EDN3: variants seen among roughly 807,000 people sequenced by gnomAD.
The protein encoded by EDN3 is endothelin-3.
Under a neutral mutation model 21.4 loss-of-function variants are expected in EDN3, and 9 were observed. That is an observed-to-expected ratio of 0.42 (90% CI 0.25 to 0.73). The LOEUF (loss-of-function observed/expected upper bound fraction) is 0.73, where lower values mean the gene tolerates loss of function less well. Ranked by LOEUF, EDN3 falls within the 30% of genes least tolerant of loss-of-function variation. The pLI, the probability that EDN3 is intolerant of heterozygous loss-of-function variation, is 0.26. For synonymous variants in EDN3, 133 were observed against 126.2 expected (o/e 1.05, Z -0.36); for missense variants, 327 against 309.4 (o/e 1.06, Z -0.43).
chr20:59,324,601 C>G lies in EDN3; in HGVS notation c.*142C>G, dbSNP rs372569173. 6.3e-5 allele frequency: 69 copies of G among 1,097,958 alleles called. No homozygotes were observed. Among genetic ancestry groups the G allele is most frequent in the African/African-American group, 1.7e-4 (11 of 63,198 alleles). The allele number at this position is 1,097,958 out of a possible 1,614,324, so 68.0% of individuals were successfully genotyped here. On this transcript the variant is annotated 3_prime_UTR_variant, in exon 5 of 5. Transcript: ENST00000337938. ...CAAAGAGTCCCCACTTAACAATACC[C>G]CCCCCCCACGGCAAGAATGCCCAAA... is the stretch of plus-strand genomic sequence containing the variant.
chr20:59,314,076 G>A (rs1026898987), intron 2 of EDN3, among the ~76,000 whole-genome samples: 1 of 152,136 alleles, frequency 6.6e-6, no homozygotes, highest in African/African-American at 2.4e-5. Context: ...GCCTCCACCT[G>A]CTGAAGGACA....
chr20:59,316,457 T>C (rs931080496), intron 2 of EDN3, among the ~76,000 whole-genome samples: 1 of 152,188 alleles, frequency 6.6e-6, no homozygotes, highest in Admixed American at 6.5e-5. Flanking sequence ...TCCTAAGAAT[T>C]TAGAATCTGG....
intron 2 of EDN3, among the ~76,000 whole-genome samples, chr20:59,311,645 AT>A (rs1417614875): frequency 9.5e-5 from 14 of 147,610 alleles, no homozygotes; most frequent in Non-Finnish European, 1.3e-4. Flanking sequence ...GTTTTGGTGG[AT>A]TTTGGCCATG....
chr20:59,321,700 G>A (rs1278733758), intron 3 of EDN3, among the ~76,000 whole-genome samples: 5 of 152,146 alleles, frequency 3.3e-5, no homozygotes, highest in Admixed American at 6.5e-5. Context: ...GGCATCTCAC[G>A]TTTGAGTAGG....
At chr20:59,303,777 T>A (rs1989207586) in intron 2 of EDN3, among the ~76,000 whole-genome samples, 1 of 152,240 alleles carries the variant, frequency 6.6e-6, no homozygotes, top group Non-Finnish European at 1.5e-5. Context: ...GCTGTGGCTC[T>A]CTGACTTTTT....
intron 1 of EDN3, 40 bp from the exon 2 acceptor site, chr20:59,301,370 G>C (rs759177376): frequency 8.1e-6 from 13 of 1,597,516 alleles, no homozygotes; most frequent in Non-Finnish European, 1.1e-5. Context: ...TGAGGGGTCT[G>C]CACACTCAGC....
intron 2 of EDN3, among the ~76,000 whole-genome samples, chr20:59,317,783 A>G (rs1217573331): frequency 2.0e-5 from 3 of 152,202 alleles, no homozygotes; most frequent in Non-Finnish European, 4.4e-5. Context: ...GGTGAAAAGA[A>G]TCCTGTCTCG....
intron 2 of EDN3, among the ~76,000 whole-genome samples, chr20:59,310,677 G>A (rs1989745128): frequency 6.6e-6 from 1 of 152,164 alleles, no homozygotes; most frequent in African/African-American, 2.4e-5. Flanking sequence ...CTCAGGAACA[G>A]AACAGTCAGG....
Position 59,300,622 on chromosome 20 carries a change from G to A in EDN3, c.-191G>A. On this transcript the variant is annotated 5_prime_UTR_variant, in exon 1 of 5. Coordinates refer to ENST00000337938, the MANE Select transcript of EDN3 (RefSeq NM_207034.3). ...AGCCGGCCAGCTCCGCGCAGGGATGGGCAGCGCGCTCTGAAAGTTTATGAC... is the reference window on the plus strand; with the variant it reads ...AGCCGGCCAGCTCCGCGCAGGGATGAGCAGCGCGCTCTGAAAGTTTATGAC... 1.6e-6 allele frequency: 1 copy of A among 615,070 alleles called. No homozygotes were observed. The highest frequency in any genetic ancestry group is 2.8e-6 in the Non-Finnish European group (1 of 351,458). 38.1% of individuals were successfully genotyped at this position (615,070 alleles called of 1,614,324 possible). A position where few individuals can be genotyped will look rare whatever the true frequency, so the allele number is the denominator to read the frequency against.
Position 59,324,714 on chromosome 20 carries a change from A to T in EDN3, c.*255A>T, listed in dbSNP as rs1990747647. 1.8e-6 allele frequency: 1 copy of T among 541,816 alleles called. No individual in the cohort carries two copies. Among genetic ancestry groups the T allele is most frequent in the Non-Finnish European group, 3.3e-6 (1 of 303,538 alleles). The allele number at this position is 541,816 out of a possible 1,614,324, so 33.6% of individuals were successfully genotyped here. ...CCTGCAGCTCCGGTTTCATGCAGGA[A>T]ATTGGTTTTGGAGAGTTTTGGCAAG... On this transcript the variant is annotated 3_prime_UTR_variant, in exon 5 of 5. Transcript: ENST00000337938.
chr20:59,319,746 A>T (rs1184495789), intron 2 of EDN3, among the ~76,000 whole-genome samples: 1 of 151,822 alleles, frequency 6.6e-6, no homozygotes, highest in East Asian at 1.9e-4. Context: ...AAAAAAAGAA[A>T]AAAAAGAAAA....
intron 2 of EDN3, among the ~76,000 whole-genome samples, chr20:59,316,380 G>A (rs1990190298): frequency 6.6e-6 from 1 of 152,212 alleles, no homozygotes; most frequent in Non-Finnish European, 1.5e-5. Flanking sequence ...TTTGTTGAAT[G>A]CTATTCAGTT....
intron 1 of EDN3, among the ~76,000 whole-genome samples, chr20:59,301,065 G>C (rs995359698): frequency 6.6e-6 from 1 of 152,256 alleles, no homozygotes; most frequent in Non-Finnish European, 1.5e-5. Flanking sequence ...GGGAGTTGCA[G>C]CCCGCGCACT....
rs1213528142 is a variant in EDN3 at position 59,305,136 on chromosome 20, C to G, written c.365+3414C>G. Among the ~76,000 whole-genome samples the G allele has an allele frequency of 1.3e-5, 2 of 152,134 alleles. No homozygotes were observed. The highest frequency in any genetic ancestry group is 2.9e-5 in the Non-Finnish European group (2 of 68,026). On this transcript the variant is annotated intron_variant, in intron 2 of 4. Coordinates refer to ENST00000337938, the MANE Select transcript of EDN3 (RefSeq NM_207034.3). This position sits in a 1 kb window ranked among gnomAD's most constrained non-coding sequence, Gnocchi z 4.2. ...AAAGTCCATCGCCCCAAAGAGGAAC[C>G]AAATTTATACTTACCCTGTCAAGGC... is the stretch of plus-strand genomic sequence containing the variant.
At chr20:59,324,199 C>A in intron 4 of EDN3, 132 bp from the exon 5 acceptor site, 2 of 1,147,080 alleles carry the variant, frequency 1.7e-6, no homozygotes, top group Non-Finnish European at 1.3e-6. Context: ...AGGGTACATA[C>A]AGTTCCAATC....
At chr20:59,307,190 T>A (rs1989490985) in intron 2 of EDN3, among the ~76,000 whole-genome samples, 1 of 152,148 alleles carries the variant, frequency 6.6e-6, no homozygotes, top group South Asian at 2.1e-4. Context: ...CCTGGCAGTA[T>A]CATTGTTGGA....
chr20:59,321,682 T>C (rs1286649231), intron 3 of EDN3, among the ~76,000 whole-genome samples: 1 of 152,180 alleles, frequency 6.6e-6, no homozygotes, highest in African/African-American at 2.4e-5. Context: ...CAGCTGGAAC[T>C]GAGTGGGGGC....
At chr20:59,300,998 G>T in intron 1 of EDN3, 134 bp downstream of exon 1, 1 of 1,079,164 alleles carries the variant, frequency 9.3e-7, no homozygotes, top group Middle Eastern at 3.0e-4. Flanking sequence ...TCGTGAAGAC[G>T]CCTGGGGGAG....
chr20:59,320,722 A>C (rs1025036587), intron 2 of EDN3, among the ~76,000 whole-genome samples: 3 of 152,244 alleles, frequency 2.0e-5, no homozygotes, highest in African/African-American at 7.2e-5. Flanking sequence ...AAGTGCAGGC[A>C]CACATGCCCA....
Sources: allele counts gnomAD v4.1 joint callset (sites outside exome capture counted in the v4.1 genomes callset), GRCh38; gene constraint gnomAD v4.1.1; non-coding constraint Gnocchi (gnomAD v3.1); transcripts MANE v1.5; gene names NCBI Gene and HGNC (gene_info 2026-07-23, HGNC 2026-07-21).